CDH4: variants seen among roughly 807,000 people sequenced by gnomAD.
CDH4 encodes the protein cadherin 4, also known as cadherin-4.
Under a neutral mutation model 86.0 loss-of-function variants are expected in CDH4, and 33 were observed. The observed-to-expected ratio is 0.38, with a 90% CI of 0.29 to 0.51. CDH4 has a LOEUF of 0.51. Ranked by LOEUF, CDH4 falls within the 20% of genes least tolerant of loss-of-function variation. The pLI is 0.86. For missense variants in CDH4, 1,114 were observed against 1,307.4 expected, an observed-to-expected ratio of 0.85 and a Z score of 2.28; for synonymous variants, 555 against 549.4, an observed-to-expected ratio of 1.01 and a Z score of -0.14.
chr20:61,674,185 G>A (rs2087421362), intron 2 of CDH4, among the ~76,000 whole-genome samples: 1 of 152,148 alleles, frequency 6.6e-6, no homozygotes, highest in Non-Finnish European at 1.5e-5. Flanking sequence ...CACACGCAAG[G>A]AAGAGCCAAG....
chr20:61,468,352 T>A (rs1375602795), intron 2 of CDH4, among the ~76,000 whole-genome samples: 1 of 102,534 alleles, frequency 9.8e-6, no homozygotes, highest in East Asian at 2.2e-4. Flanking sequence ...TCTCTTTGGG[T>A]AAGGTTAAAT....
chr20:61,558,595 C>T (rs982318305), intron 2 of CDH4, among the ~76,000 whole-genome samples: 8 of 152,184 alleles, frequency 5.3e-5, no homozygotes, highest in East Asian at 1.9e-4. Flanking sequence ...TCAGGAAATG[C>T]GTATCAGGCA....
At chr20:61,700,226 TC>T (rs1568763806) in intron 2 of CDH4, among the ~76,000 whole-genome samples, 1 of 152,180 alleles carries the variant, frequency 6.6e-6, no homozygotes, top group Admixed American at 6.5e-5. Flanking sequence ...GAGGCCCAGT[TC>T]TGCCCACAGA....
intron 2 of CDH4, among the ~76,000 whole-genome samples, chr20:61,294,019 G>A (rs978037759): frequency 3.3e-5 from 5 of 152,090 alleles, no homozygotes; most frequent in African/African-American, 4.8e-5. Context: ...TGGAGACCCC[G>A]GGACAGGTGA....
intron 13 of CDH4, among the ~76,000 whole-genome samples, chr20:61,931,405 A>C (rs2123002275): frequency 6.6e-6 from 1 of 152,206 alleles, no homozygotes; most frequent in South Asian, 2.1e-4. Context: ...ATACCCACAG[A>C]GCTCCTCCCA....
At chr20:61,532,044 C>A (rs781065494) in intron 2 of CDH4, among the ~76,000 whole-genome samples, 1 of 152,206 alleles carries the variant, frequency 6.6e-6, no homozygotes, top group African/African-American at 2.4e-5. Flanking sequence ...CGCCTGTTGC[C>A]GGCCCTCAGG....
intron 4 of CDH4, among the ~76,000 whole-genome samples, chr20:61,775,502 G>T (rs2088829166): frequency 6.6e-6 from 1 of 152,196 alleles, no homozygotes; most frequent in South Asian, 2.1e-4. Flanking sequence ...CTGTCGCTGT[G>T]GTGTGAAAGC....
At position 61,718,353 on chromosome 20, in the gene CDH4, A is replaced by G. The variant is rs2087988858; in HGVS notation, c.170-25210A>G. 2.4e-5 allele frequency: 4 copies of G among 169,126 alleles called. No individual in the cohort carries two copies. In the South Asian group the frequency reaches 6.3e-4, roughly 27 times the overall value. 10.5% of individuals were successfully genotyped at this position (169,126 alleles called of 1,614,324 possible). A position where few individuals can be genotyped will look rare whatever the true frequency, so the allele number is the denominator to read the frequency against. On this transcript the variant is annotated intron_variant, in intron 2 of 15. Coordinates refer to ENST00000614565, the MANE Select transcript of CDH4 (RefSeq NM_001794.5). ...GTCACTGTTCTTCCTGGATCATGCC[A>G]AGGGTGGGAGCCTGGTCCCTCTGGG...
intron 2 of CDH4, among the ~76,000 whole-genome samples, chr20:61,661,085 G>GGGT (rs1491180375): frequency 3.2e-5 from 1 of 31,346 alleles, no homozygotes; most frequent in African/African-American, 1.3e-4. Context: ...GAGGCATGGC[G>GGGT]GGGGGGGGGG....
At chr20:61,422,093 T>C (rs1233265252) in intron 2 of CDH4, among the ~76,000 whole-genome samples, 1 of 152,160 alleles carries the variant, frequency 6.6e-6, no homozygotes, top group Non-Finnish European at 1.5e-5. Flanking sequence ...CCAAGATGAC[T>C]TTTTGAACGT....
At chr20:61,728,558 G>A (rs2088141532) in intron 2 of CDH4, among the ~76,000 whole-genome samples, 1 of 152,116 alleles carries the variant, frequency 6.6e-6, no homozygotes. Context: ...CCCCAGCGGT[G>A]GAACCTCGGG....
intron 2 of CDH4, among the ~76,000 whole-genome samples, chr20:61,256,052 A>C (rs2084096266): frequency 6.6e-6 from 1 of 152,244 alleles, no homozygotes; most frequent in African/African-American, 2.4e-5. Flanking sequence ...GTGCAATCTA[A>C]CAGGGCATAC....
chr20:61,907,629 C>T (rs938774628), intron 8 of CDH4, among the ~76,000 whole-genome samples: 2 of 152,098 alleles, frequency 1.3e-5, no homozygotes, highest in Admixed American at 6.5e-5. Flanking sequence ...GACTCCTGGG[C>T]GGCTCAAAAC....
At chr20:61,702,475 C>A (rs531429811) in intron 2 of CDH4, among the ~76,000 whole-genome samples, 1 of 152,338 alleles carries the variant, frequency 6.6e-6, no homozygotes, top group African/African-American at 2.4e-5. Flanking sequence ...GCCCAAGTCA[C>A]TAGCCTAGGT....
chr20:61,324,366 C>G (rs2084525850), intron 2 of CDH4, among the ~76,000 whole-genome samples: 3 of 152,166 alleles, frequency 2.0e-5, no homozygotes, highest in Admixed American at 2.0e-4. Context: ...CTCTTTTTCT[C>G]TTTCAGTTCT....
intron 2 of CDH4, among the ~76,000 whole-genome samples, chr20:61,731,517 C>G (rs766066698): frequency 2.6e-5 from 4 of 152,190 alleles, no homozygotes; most frequent in Non-Finnish European, 5.9e-5. Context: ...AGGTCCCCCC[C>G]AGGTGGGGTG....
At chr20:61,477,955 T>C (rs2085548594) in intron 2 of CDH4, among the ~76,000 whole-genome samples, 1 of 152,206 alleles carries the variant, frequency 6.6e-6, no homozygotes, top group Non-Finnish European at 1.5e-5. Context: ...CATAGAGCTT[T>C]TGTTGTGGAA....
intron 2 of CDH4, among the ~76,000 whole-genome samples, chr20:61,636,039 G>A (rs1053022463): frequency 6.6e-5 from 10 of 152,342 alleles, no homozygotes; most frequent in South Asian, 2.1e-4. Flanking sequence ...GGACGCCAGC[G>A]GCTGGGCCTG....
chr20:61,308,922 G>T (rs1379875551), intron 2 of CDH4, among the ~76,000 whole-genome samples: 2 of 152,244 alleles, frequency 1.3e-5, no homozygotes, highest in African/African-American at 4.8e-5. Flanking sequence ...GTTTGCAGGA[G>T]AATTGATTCC....
Sources: gnomAD v4.1 joint callset for allele counts (sites outside exome capture counted in the v4.1 genomes callset) on GRCh38, gnomAD v4.1.1 for gene constraint, MANE v1.5 for transcripts, NCBI Gene and HGNC (gene_info 2026-07-23, HGNC 2026-07-21) for gene names.